The following VWA5B1 variants were observed in gnomAD, a reference collection of about 807,000 sequenced individuals.
The protein encoded by VWA5B1 is von Willebrand factor A domain containing 5B1, also known as von Willebrand factor A domain-containing protein 5B1.
A neutral mutation model predicts 118.2 loss-of-function variants in VWA5B1; 115 were observed. The ratio of observed to expected loss-of-function variants is 0.97; its 90% confidence interval spans 0.84 to 1.14. The LOEUF is 1.14. Among genes scored for constraint, VWA5B1 ranks in the 50% most tolerant of loss-of-function variants. The pLI, the probability that VWA5B1 is intolerant of heterozygous loss-of-function variation, is 0.00. For missense variants in VWA5B1, 1,596 were observed against 1,603.8 expected (o/e 1.00, Z 0.08); for synonymous variants, 682 against 658.4 (o/e 1.04, Z -0.55).
rs1207020909 is a variant in VWA5B1, at chr1:20,355,702, C to A, written c.*1439C>A. Among the ~76,000 whole-genome samples, 3 of 152,234 alleles carry A rather than the reference C, an allele frequency of 2.0e-5. No individual in the cohort carries two copies. The highest frequency in any genetic ancestry group is 4.8e-5 in the African/African-American group (2 of 41,480). On this transcript the variant is annotated 3_prime_UTR_variant, in exon 22 of 22. Coordinates refer to ENST00000289815, the MANE Select transcript of VWA5B1 (RefSeq NM_001039500.3). Reference sequence around the variant, plus strand: ...CAGGAAGACTCGAGGGGTGTGCAGCCTCCAGCAGGGGCTGGAGTCAGGGAG... The same window carrying A: ...CAGGAAGACTCGAGGGGTGTGCAGCATCCAGCAGGGGCTGGAGTCAGGGAG...
intron 6 of VWA5B1, among the ~76,000 whole-genome samples, chr1:20,318,973 C>G (rs1557843535): frequency 6.6e-6 from 1 of 152,210 alleles, no homozygotes; most frequent in East Asian, 1.9e-4. Context: ...CATCGGGGCA[C>G]TTTACCCCCA....
chr1:20,313,892 C>T (rs907741490), intron 3 of VWA5B1, among the ~76,000 whole-genome samples: 2 of 151,966 alleles, frequency 1.3e-5, no homozygotes, highest in African/African-American at 4.8e-5. Flanking sequence ...AGATCAGGGA[C>T]CAAGGAGGTG....
At chr1:20,328,044 G>A (rs1222881996) in intron 9 of VWA5B1, 44 bp downstream of exon 9, 7 of 1,518,210 alleles carry the variant, frequency 4.6e-6, no homozygotes, top group Middle Eastern at 1.8e-4. Context: ...GGTGCATGGT[G>A]GGGAGCAGAG....
At chr1:20,307,626 C>A (rs887086387) in intron 1 of VWA5B1, among the ~76,000 whole-genome samples, 1 of 152,168 alleles carries the variant, frequency 6.6e-6, no homozygotes, top group African/African-American at 2.4e-5. Flanking sequence ...CCCACATTTC[C>A]TCTGCTGCTA....
chr1:20,334,904 T>C (rs1213052917), intron 12 of VWA5B1, among the ~76,000 whole-genome samples: 1 of 152,210 alleles, frequency 6.6e-6, no homozygotes, highest in East Asian at 1.9e-4. Flanking sequence ...TGTAATGGAT[T>C]TATGTCCAAG....
At chr1:20,349,765 C>T (rs937878595) in intron 18 of VWA5B1, among the ~76,000 whole-genome samples, 6 of 148,686 alleles carry the variant, frequency 4.0e-5, no homozygotes, top group Non-Finnish European at 5.9e-5. Context: ...AGACAGGGCC[C>T]GTAGTCCAGG....
At chr1:20,315,282 G>A (rs565885607) in intron 4 of VWA5B1, among the ~76,000 whole-genome samples, 4 of 152,272 alleles carry the variant, frequency 2.6e-5, no homozygotes, top group East Asian at 3.9e-4. Context: ...CAGGTGGCAC[G>A]CAATGAGGCT....
intron 14 of VWA5B1, among the ~76,000 whole-genome samples, chr1:20,341,563 T>A (rs2089874579): frequency 6.6e-6 from 1 of 152,240 alleles, no homozygotes; most frequent in Admixed American, 6.5e-5. Flanking sequence ...AGGCTGAGAA[T>A]TTTTTCCTGG....
intron 1 of VWA5B1, among the ~76,000 whole-genome samples, chr1:20,305,429 C>T (rs1052481631): frequency 6.6e-6 from 1 of 152,052 alleles, no homozygotes; most frequent in Non-Finnish European, 1.5e-5. Flanking sequence ...AGCCAAGCGC[C>T]AAGTGTTGAC....
chr1:20,335,539 ACT>A (rs1214226533), intron 12 of VWA5B1, among the ~76,000 whole-genome samples: 1 of 152,120 alleles, frequency 6.6e-6, no homozygotes, highest in Non-Finnish European at 1.5e-5. Context: ...ATGACATTTG[ACT>A]CTCTAAAAAC....
chr1:20,357,195 A>G lies in VWA5B1; in HGVS notation c.*2932A>G, dbSNP rs2090245374. 6.6e-6 allele frequency among the ~76,000 whole-genome samples: 1 copy of G among 152,224 alleles called. No individual in the cohort carries two copies. The highest frequency in any genetic ancestry group is 2.4e-5 in the African/African-American group (1 of 41,450). On this transcript the variant is annotated 3_prime_UTR_variant, in exon 22 of 22. Transcript: ENST00000289815. ...CACTGAGCTGAGAGTTGAGGAACCC[A>G]AGCATGGGTCCCAACTCCACCACTA...
intron 6 of VWA5B1, among the ~76,000 whole-genome samples, chr1:20,319,045 G>T (rs565113663): frequency 2.6e-5 from 4 of 152,230 alleles, no homozygotes; most frequent in Non-Finnish European, 5.9e-5. Flanking sequence ...TGGAAATTCT[G>T]TAGCCTCAAG....
chr1:20,345,656 G>C (rs2089993072), intron 17 of VWA5B1, 63 bp downstream of exon 17: 2 of 1,476,960 alleles, frequency 1.4e-6, no homozygotes, highest in South Asian at 2.8e-5. Flanking sequence ...GACTAGGGGA[G>C]GGGGCTGAGA....
At chr1:20,294,467 TTTTA>T (rs34758007) in intron 1 of VWA5B1, 6 of 151,264 alleles carry the variant, frequency 4.0e-5, no homozygotes, top group East Asian at 2.0e-4. Flanking sequence ...ACCCATGGGG[TTTTA>T]TTTATTTATT....
chr1:20,329,718 G>A lies in VWA5B1; in HGVS notation c.1255-462G>A, dbSNP rs183289892. Among the ~76,000 whole-genome samples, 13 of 152,244 alleles carry A rather than the reference G, an allele frequency of 8.5e-5. No individual in the cohort carries two copies. In the East Asian group the frequency reaches 1.9e-3, roughly 23 times the overall value. ...TGGCCAGTTGGGACCCACACAGTTG[G>A]TCCAGAGCAAGGAAATCTGAAGCCT... On this transcript the variant is annotated intron_variant, in intron 9 of 21. Coordinates refer to ENST00000289815, the MANE Select transcript of VWA5B1 (RefSeq NM_001039500.3).
At chr1:20,328,513 C>G (rs1205481814) in intron 9 of VWA5B1, among the ~76,000 whole-genome samples, 2 of 151,946 alleles carry the variant, frequency 1.3e-5, no homozygotes, top group African/African-American at 4.8e-5. Flanking sequence ...GCATCCTACC[C>G]AGATCTAAGA....
chr1:20,317,699 G>T lies in VWA5B1; in HGVS notation c.709+24G>T. ...AGGTGAGAGGGAGACATCCAGACGG[G>T]ATGGGTGAGCTTCAGGCGAAAAGCC... On this transcript the variant is annotated intron_variant, in intron 5 of 21. Transcript: ENST00000289815. 1.9e-6 allele frequency: 3 copies of T among 1,542,296 alleles called. 1 individual carries two copies. In the South Asian group the frequency reaches 3.6e-5, roughly 19 times the overall value.
At chr1:20,339,554 TCAAA>T (rs201939450) in intron 14 of VWA5B1, among the ~76,000 whole-genome samples, 8 of 151,518 alleles carry the variant, frequency 5.3e-5, no homozygotes, top group African/African-American at 9.8e-5. Context: ...AAACAAAACA[TCAAA>T]CAAACAAACA....
intron 18 of VWA5B1, 100 bp downstream of exon 18, chr1:20,348,458 TCTGAGTCTGCA>T: frequency 8.0e-7 from 1 of 1,251,238 alleles, no homozygotes; most frequent in Non-Finnish European, 1.1e-6. Context: ...AGGACCACTC[TCTGAGTCTGCA>T]CTGTGGGCTT....
Sources: allele counts gnomAD v4.1 joint callset (sites outside exome capture counted in the v4.1 genomes callset), GRCh38; gene constraint gnomAD v4.1.1; transcripts MANE v1.5; gene names NCBI Gene and HGNC (gene_info 2026-07-23, HGNC 2026-07-21).